Variants in TANC2 observed in about 807,000 individuals in gnomAD.
TANC2 encodes the protein protein TANC2.
A neutral mutation model predicts 210.5 loss-of-function variants in TANC2; 26 were observed. That is an observed-to-expected ratio of 0.12 (90% CI 0.09 to 0.17). The LOEUF (loss-of-function observed/expected upper bound fraction) is 0.17, where lower values mean the gene tolerates loss of function less well. TANC2 is among the 10% of genes least tolerant of loss of function. The probability of loss-of-function intolerance (pLI) is 1.00; values close to 1 mark genes in which losing one functional copy is unlikely to be tolerated. For synonymous variants in TANC2, 931 were observed against 967.1 expected (o/e 0.96, Z 0.69); for missense variants, 2,129 against 2,608.9 (o/e 0.82, Z 4.01).
chr17:63,372,595 A>G (rs2047303272), intron 14 of TANC2, among the ~76,000 whole-genome samples: 1 of 152,232 alleles, frequency 6.6e-6, no homozygotes, highest in Non-Finnish European at 1.5e-5. Context: ...CTTAATTCTT[A>G]CCACAGTCCT....
chr17:63,352,615 T>TA (rs1269062239), intron 13 of TANC2, among the ~76,000 whole-genome samples: 1 of 152,188 alleles, frequency 6.6e-6, no homozygotes, highest in Non-Finnish European at 1.5e-5. Context: ...TATTCTCACA[T>TA]AATATCATGT....
chr17:63,266,553 A>C (rs1208329001), intron 8 of TANC2, among the ~76,000 whole-genome samples: 1 of 151,918 alleles, frequency 6.6e-6, no homozygotes, highest in Non-Finnish European at 1.5e-5. Flanking sequence ...TTTGCTTCTT[A>C]GTTTATATTG....
intron 8 of TANC2, among the ~76,000 whole-genome samples, chr17:63,266,558 A>T (rs1184370085): frequency 9.9e-5 from 15 of 152,058 alleles, no homozygotes; most frequent in Non-Finnish European, 4.4e-5. Flanking sequence ...TTCTTAGTTT[A>T]TATTGAAGAG....
chr17:63,412,233 C>A lies in TANC2; in HGVS notation c.3898+103C>A, dbSNP rs1486956388. On this transcript the variant is annotated intron_variant, in intron 23 of 27. Transcript: ENST00000689528. This position sits in a 1 kb window ranked among gnomAD's most constrained non-coding sequence, Gnocchi z 4.2. ...TTGGTGTGAGTGTATATAGTTCCCC[C>A]TCCTCCCTGGCCCAATTATTGTCCA... is the stretch of plus-strand genomic sequence containing the variant. The A allele has an allele frequency of 5.4e-6, 8 of 1,493,244 alleles. No homozygotes were observed. Among genetic ancestry groups the A allele is most frequent in the South Asian group, 1.3e-5 (1 of 79,436 alleles). The allele number at this position is 1,493,244 out of a possible 1,614,324, so 92.5% of individuals were successfully genotyped here. A position where few individuals can be genotyped will look rare whatever the true frequency, so the allele number is the denominator to read the frequency against.
chr17:63,292,119 T>C (rs2044400307), intron 9 of TANC2, among the ~76,000 whole-genome samples: 1 of 152,180 alleles, frequency 6.6e-6, no homozygotes. Flanking sequence ...CTCTTCTAAG[T>C]TGTTGGAAAT....
intron 1 of TANC2, among the ~76,000 whole-genome samples, chr17:62,978,162 A>G (rs1198997832): frequency 6.6e-6 from 1 of 152,228 alleles, no homozygotes. Context: ...TGACTAGAGA[A>G]GCAAACATTT....
chr17:63,097,471 G>T (rs1170267628), intron 3 of TANC2, among the ~76,000 whole-genome samples: 1 of 151,794 alleles, frequency 6.6e-6, no homozygotes, highest in Admixed American at 6.6e-5. Context: ...TAAATCAGGG[G>T]TGTCCAATCT....
At chr17:63,040,096 G>A (rs2035126925) in intron 2 of TANC2, among the ~76,000 whole-genome samples, 1 of 152,116 alleles carries the variant, frequency 6.6e-6, no homozygotes, top group South Asian at 2.1e-4. Flanking sequence ...GGTGAGATAT[G>A]GAAAATCAGT....
chr17:63,074,202 T>C (rs1181722175), intron 3 of TANC2, among the ~76,000 whole-genome samples, 188 bp downstream of exon 3: 1 of 152,200 alleles, frequency 6.6e-6, no homozygotes, highest in African/African-American at 2.4e-5. Flanking sequence ...AAATTAAATA[T>C]TGTCTTGTGC....
At chr17:63,150,294 G>T (rs1243016080) in intron 4 of TANC2, 1 of 152,110 alleles carries the variant, frequency 6.6e-6, no homozygotes, top group Non-Finnish European at 1.5e-5. Context: ...TGCCAGTACT[G>T]TGCTAAGCAC....
chr17:63,168,812 T>C (rs1319054546), intron 5 of TANC2, among the ~76,000 whole-genome samples: 1 of 152,186 alleles, frequency 6.6e-6, no homozygotes, highest in Non-Finnish European at 1.5e-5. Flanking sequence ...AAATATCCGT[T>C]ACTCACTTAC....
At chr17:63,305,524 C>G (rs192519688) in intron 9 of TANC2, 2 of 152,282 alleles carry the variant, frequency 1.3e-5, no homozygotes, top group Non-Finnish European at 2.9e-5. Context: ...TGGCCCCACC[C>G]GCTATGATTT....
intron 15 of TANC2, among the ~76,000 whole-genome samples, chr17:63,381,866 T>C (rs2047621481): frequency 6.6e-6 from 1 of 152,218 alleles, no homozygotes; most frequent in Non-Finnish European, 1.5e-5. Context: ...TCCATTACCA[T>C]TTATTGCCGA....
At chr17:63,391,008 C>T (rs2047953758) in intron 17 of TANC2, 1 of 152,224 alleles carries the variant, frequency 6.6e-6, no homozygotes. Context: ...ACGCTCACCT[C>T]TACTTTGCCT....
intron 14 of TANC2, among the ~76,000 whole-genome samples, chr17:63,355,746 T>A (rs937738104): frequency 6.6e-6 from 1 of 152,192 alleles, no homozygotes; most frequent in Non-Finnish European, 1.5e-5. Context: ...ATATTGTAAA[T>A]CTCTTTGATT....
At chr17:63,140,593 C>T (rs890631438) in intron 4 of TANC2, among the ~76,000 whole-genome samples, 2 of 152,180 alleles carry the variant, frequency 1.3e-5, no homozygotes, top group African/African-American at 2.4e-5. Flanking sequence ...TAATTGTAGT[C>T]ACCCCTCTGC....
At chr17:63,255,645 T>C (rs946456232) in intron 8 of TANC2, among the ~76,000 whole-genome samples, 1 of 152,156 alleles carries the variant, frequency 6.6e-6, no homozygotes, top group African/African-American at 2.4e-5. Flanking sequence ...ATTTCTGTGG[T>C]ATCAGTTGTA....
At chr17:63,368,685 TG>T (rs139078000) in intron 14 of TANC2, among the ~76,000 whole-genome samples, 10,272 of 152,250 alleles carry the variant, frequency 0.067, 1,099 homozygotes, top group African/African-American at 0.23. Context: ...ATATGGCTTT[TG>T]CTAGAATACT....
chr17:63,019,829 G>C (rs889161938), intron 2 of TANC2, among the ~76,000 whole-genome samples: 16 of 152,236 alleles, frequency 1.1e-4, no homozygotes, highest in African/African-American at 3.9e-4. Flanking sequence ...GTATGTGTGT[G>C]TGTGTGTTGG....
Sources: gnomAD v4.1 joint callset for allele counts (sites outside exome capture counted in the v4.1 genomes callset) on GRCh38, gnomAD v4.1.1 for gene constraint, Gnocchi (gnomAD v3.1) non-coding constraint, MANE v1.5 for transcripts, NCBI Gene and HGNC (gene_info 2026-07-23, HGNC 2026-07-21) for gene names.